The following RGS8 variants were observed in gnomAD, a reference collection of about 807,000 sequenced individuals.
RGS8 encodes regulator of G protein signaling 8, also known as regulator of G-protein signaling 8.
In RGS8, 8 loss-of-function variants were observed where a neutral mutation model predicts 21.7. That is an observed-to-expected ratio of 0.37 (90% CI 0.22 to 0.66). RGS8 has a LOEUF of 0.66. Ranked by LOEUF, RGS8 falls within the 30% of genes least tolerant of loss-of-function variation. RGS8 has a pLI of 0.59. For synonymous variants in RGS8, 80 were observed against 83.6 expected (o/e 0.96, Z 0.24); for missense variants, 157 against 217.9 (o/e 0.72, Z 1.76).
At chr1:182,654,518 G>A (rs1160380456) in intron 5 of RGS8, among the ~76,000 whole-genome samples, 1 of 152,158 alleles carries the variant, frequency 6.6e-6, no homozygotes, top group African/African-American at 2.4e-5. Context: ...AGGTTTTGGG[G>A]CTACGGCACA....
chr1:182,710,028 TAA>T, the RGS8 span, among the ~76,000 whole-genome samples: 1 of 152,168 alleles, frequency 6.6e-6, no homozygotes, highest in African/African-American at 2.4e-5. Context: ...TTCACATTTC[TAA>T]GAGAGAGAGA....
the RGS8 span, among the ~76,000 whole-genome samples, chr1:182,729,788 G>A: frequency 6.6e-6 from 1 of 152,128 alleles, no homozygotes; most frequent in African/African-American, 2.4e-5. Flanking sequence ...GACTCTGAAA[G>A]GTGCCTTGTG....
At chr1:182,696,354 G>A in the RGS8 span, among the ~76,000 whole-genome samples, 1 of 151,930 alleles carries the variant, frequency 6.6e-6, no homozygotes, top group Non-Finnish European at 1.5e-5. Flanking sequence ...ATGGAGTCTG[G>A]CTCAATAACT....
intron 2 of RGS8, among the ~76,000 whole-genome samples, 194 bp from the exon 4 acceptor site, chr1:182,669,946 G>T (rs1382736716): frequency 2.0e-5 from 3 of 152,234 alleles, no homozygotes; most frequent in Non-Finnish European, 2.9e-5. Context: ...GCTTCATGTT[G>T]TTGATTATTG....
At chr1:182,688,796 C>G (rs115826160), upstream of RGS8, among the ~76,000 whole-genome samples, 210 of 152,246 alleles carry the variant, frequency 1.4e-3, no homozygotes, top group African/African-American at 4.1e-3. Context: ...GGAGACCAAC[C>G]CAGCTGAAGT....
the RGS8 span, among the ~76,000 whole-genome samples, chr1:182,694,791 G>A: frequency 6.8e-6 from 1 of 147,360 alleles, no homozygotes; most frequent in East Asian, 2.0e-4. Context: ...CTGGGTGATA[G>A]AGCAAGACTC....
At chr1:182,717,410 T>G in the RGS8 span, among the ~76,000 whole-genome samples, 2 of 152,208 alleles carry the variant, frequency 1.3e-5, no homozygotes, top group Admixed American at 6.5e-5. Context: ...GAGTATCTCC[T>G]TCCTTTTACA....
At chr1:182,648,066 G>T in intron 6 of RGS8, 71 bp downstream of exon 7, 2 of 1,384,164 alleles carry the variant, frequency 1.4e-6, no homozygotes, top group East Asian at 2.4e-5. Context: ...GCCTGGCTCA[G>T]ATCCTCTCTG....
rs1662807360 is a variant in RGS8 at position 182,648,390 on chromosome 1, G to T, written c.194-87C>A. 1.1e-5 allele frequency: 15 copies of T among 1,394,772 alleles called. 2 individuals carry two copies. In the South Asian group the frequency reaches 1.8e-4, roughly 16 times the overall value. 86.4% of individuals were successfully genotyped at this position (1,394,772 alleles called of 1,614,324 possible). On this transcript the variant is annotated intron_variant, in intron 5 of 6. Transcript: ENST00000483095. ...GAAGAAAGAAAGGAAGTAATAGTGT[G>T]AGGGTGCCCCTAATTGTCCAAGCTC...
At chr1:182,671,563 A>T in intron 2 of RGS8, 94 bp downstream of exon 3, 1 of 1,045,936 alleles carries the variant, frequency 9.6e-7, no homozygotes, top group Non-Finnish European at 1.5e-6. Context: ...AGCAATCAAT[A>T]TGCATGAAGA....
At chr1:182,713,748 C>A in the RGS8 span, among the ~76,000 whole-genome samples, 2 of 152,188 alleles carry the variant, frequency 1.3e-5, no homozygotes, top group African/African-American at 4.8e-5. Flanking sequence ...TTTACTGTGC[C>A]TGGAAATACT....
chr1:182,700,169 G>A, the RGS8 span, among the ~76,000 whole-genome samples: 1 of 152,056 alleles, frequency 6.6e-6, no homozygotes, highest in Non-Finnish European at 1.5e-5. Flanking sequence ...GCGAGGGGGA[G>A]GGGGATCCCT....
chr1:182,712,345 C>T, the RGS8 span, among the ~76,000 whole-genome samples: 1 of 152,186 alleles, frequency 6.6e-6, no homozygotes, highest in Admixed American at 6.5e-5. Context: ...CCACATTTGA[C>T]CTGATTACTC....
At chr1:182,752,086 G>A in the RGS8 span, among the ~76,000 whole-genome samples, 18 of 152,192 alleles carry the variant, frequency 1.2e-4, no homozygotes, top group East Asian at 3.3e-3. Flanking sequence ...TCCTTTCTTG[G>A]CCATGAACCC....
chr1:182,695,854 T>C, the RGS8 span, among the ~76,000 whole-genome samples: 1 of 152,150 alleles, frequency 6.6e-6, no homozygotes, highest in Non-Finnish European at 1.5e-5. Flanking sequence ...AAGATAAATA[T>C]TGGGTTATAT....
the RGS8 span, among the ~76,000 whole-genome samples, chr1:182,741,775 G>A: frequency 1.8e-4 from 19 of 105,056 alleles, no homozygotes; most frequent in African/African-American, 3.5e-4. Flanking sequence ...CCTCCCTCCC[G>A]GACGGGGCGG....
the RGS8 span, among the ~76,000 whole-genome samples, chr1:182,700,164 G>A: frequency 6.6e-6 from 1 of 152,226 alleles, no homozygotes; most frequent in African/African-American, 2.4e-5. Context: ...CTCCGGCGAG[G>A]GGGAGGGGGA....
At chr1:182,701,880 T>A in the RGS8 span, among the ~76,000 whole-genome samples, 1 of 152,322 alleles carries the variant, frequency 6.6e-6, no homozygotes, top group South Asian at 2.1e-4. Flanking sequence ...AAAAACCAAA[T>A]GAAATACCAT....
chr1:182,721,305 G>C, the RGS8 span, among the ~76,000 whole-genome samples: 2 of 152,006 alleles, frequency 1.3e-5, no homozygotes, highest in Admixed American at 1.3e-4. Flanking sequence ...GTTGAATTAA[G>C]CAAAAACAGG....
Sources: gnomAD v4.1 joint callset for allele counts (sites outside exome capture counted in the v4.1 genomes callset) on GRCh38, gnomAD v4.1.1 for gene constraint, MANE v1.5 for transcripts, NCBI Gene and HGNC (gene_info 2026-07-23, HGNC 2026-07-21) for gene names.